The following TMEM121 variants were observed in gnomAD, a reference collection of about 807,000 sequenced individuals.
TMEM121 encodes the protein transmembrane protein 121.
A neutral mutation model predicts 16.4 loss-of-function variants in TMEM121; 8 were observed. The observed-to-expected ratio is 0.49, with a 90% CI of 0.29 to 0.88. The LOEUF (loss-of-function observed/expected upper bound fraction) is 0.88. TMEM121 is among the 40% of genes least tolerant of loss of function. The pLI, the probability that TMEM121 is intolerant of heterozygous loss-of-function variation, is 0.09. For synonymous variants in TMEM121, 235 were observed against 226.2 expected (o/e 1.04, Z -0.35); for missense variants, 401 against 462.0 (o/e 0.87, Z 1.21).
At position 105,529,729 on chromosome 14, in the gene TMEM121, C is replaced by A; in HGVS notation, c.895C>A (p.Pro299Thr). ...CAACTCGGTGCCGCCGCCGCCGCCG[C>A]CGCTGCACGGCCCGCCTGGGCGCCC... ...QRNSVPPPPP[P>T]LHGPPGRPHM... Residue 299 changes from proline (P) to threonine (T), a missense_variant, in exon 2 of 2, where the codon CCG becomes ACG. Coordinates refer to ENST00000392519, the MANE Select transcript of TMEM121 (RefSeq NM_025268.4). The A allele has an allele frequency of 6.6e-7, 1 of 1,522,544 alleles. No individual in the cohort carries two copies. Among genetic ancestry groups the A allele is most frequent in the Non-Finnish European group, 8.8e-7 (1 of 1,141,438 alleles). The allele number at this position is 1,522,544 out of a possible 1,614,324, so 94.3% of individuals were successfully genotyped here. A position where few individuals can be genotyped will look rare whatever the true frequency, so the allele number is the denominator to read the frequency against.
chr14:105,527,112 T>TGGCCG (rs1375131130), intron 1 of TMEM121: 1 of 151,724 alleles, frequency 6.6e-6, no homozygotes, highest in Non-Finnish European at 1.5e-5. Context: ...TACGGAGAGG[T>TGGCCG]GGCCGGGCCG....
At chr14:105,527,656 A>T (rs1415428846) in intron 1 of TMEM121, among the ~76,000 whole-genome samples, 1 of 151,808 alleles carries the variant, frequency 6.6e-6, no homozygotes, top group African/African-American at 2.4e-5. Flanking sequence ...CTGCGGTGTC[A>T]CCAGGGCAGT....
In TMEM121 at chr14:105,529,155, C is replaced by T. The variant is rs782520655; in HGVS notation, c.321C>T (p.Pro107=). 8.8e-6 allele frequency: 14 copies of T among 1,596,934 alleles called. No individual in the cohort carries two copies. The African/African-American group carries it at 1.2e-4, about 14-fold the overall frequency. The change falls in exon 2 of 2, where the codon CCC becomes CCT. Residue 107 remains proline (P), a synonymous_variant. Coordinates refer to ENST00000392519, the MANE Select transcript of TMEM121 (RefSeq NM_025268.4). The part of the protein sequence containing the change: ...YKAARRGAAD[P]VARKALTLLL... ...CGGCGCGGCGCGGCGCGGCGGACCC[C>T]GTGGCGCGCAAGGCGCTGACGCTGC...
Position 105,529,242 on chromosome 14 carries a change from C to A in TMEM121, c.408C>A (p.Tyr136Ter). ...TCGTGGCGCTGGACCGCATGGAGTA[C>A]GTGCGCACCTTCCGCAAGCGCGAGG... The part of the protein sequence containing the change: ...LLLVALDRME[Y>*]VRTFRKREDL... Residue 136 changes from tyrosine (Y) to a stop codon, truncating the protein, a stop_gained, in exon 2 of 2, where the codon TAC becomes TAA. Coordinates refer to ENST00000392519, the MANE Select transcript of TMEM121 (RefSeq NM_025268.4). LOFTEE classifies it high-confidence loss of function. 1 of 1,563,232 alleles carries A rather than the reference C, an allele frequency of 6.4e-7. No individual in the cohort carries two copies. Among genetic ancestry groups the A allele is most frequent in the Non-Finnish European group, 8.6e-7 (1 of 1,157,576 alleles).
chr14:105,529,467 G>T lies in TMEM121; in HGVS notation c.633G>T (p.Pro211=). Residue 211 remains proline (P), a synonymous_variant, in exon 2 of 2, where the codon CCG becomes CCT. Coordinates refer to ENST00000392519, the MANE Select transcript of TMEM121 (RefSeq NM_025268.4). ...EVSMQGEHIA[P]QKMMLYPVLS... ...GCATGCAGGGCGAGCACATAGCGCC[G>T]CAGAAGATGATGCTGTACCCGGTGC... 1 of 1,546,260 alleles carries T rather than the reference G, an allele frequency of 6.5e-7. No individual in the cohort carries two copies.
chr14:105,527,932 G>A (rs2084602273), intron 1 of TMEM121, among the ~76,000 whole-genome samples: 1 of 152,034 alleles, frequency 6.6e-6, no homozygotes, highest in Non-Finnish European at 1.5e-5. Context: ...GAAGCCCGAC[G>A]GGCCTTGGTG....
Position 105,529,346 on chromosome 14 carries a change from C to G in TMEM121, c.512C>G (p.Pro171Arg). Reference protein sequence around the residue: ...LDMQASLWEPPRSGLPLWAEG... With the variant: ...LDMQASLWEPRRSGLPLWAEG... The stretch of plus-strand genomic sequence containing the variant: ...ATGCAGGCCAGCCTGTGGGAGCCGC[C>G]GCGCTCCGGGCTGCCGCTGTGGGCC... Residue 171 changes from proline to arginine, a missense_variant, in exon 2 of 2, where the codon CCG becomes CGG. Pro to Arg is a moderately radical substitution (Grantham distance 103). Coordinates refer to ENST00000392519, the MANE Select transcript of TMEM121 (RefSeq NM_025268.4). 6.5e-7 allele frequency: 1 copy of G among 1,539,660 alleles called. No individual in the cohort carries two copies. Among genetic ancestry groups the G allele is most frequent in the Non-Finnish European group, 8.7e-7 (1 of 1,146,422 alleles).
chr14:105,529,689 G>A lies in TMEM121; in HGVS notation c.855G>A (p.Pro285=), dbSNP rs782343629. 5.5e-5 allele frequency: 85 copies of A among 1,548,224 alleles called. No homozygotes were observed. The highest frequency in any genetic ancestry group is 6.7e-5 in the Non-Finnish European group (77 of 1,155,292). Residue 285 remains proline (P), a synonymous_variant, in exon 2 of 2, where the codon CCG becomes CCA. Transcript: ENST00000392519. ...PPPALSLELQ[P]PPPQRNSVPP... is the part of the protein sequence containing the mutation. ...CTGCGCTATCACTGGAGCTGCAGCC[G>A]CCACCCCCGCAGCGCAACTCGGTGC... is the stretch of plus-strand genomic sequence containing the variant.
At position 105,529,467 on chromosome 14, in the gene TMEM121, G is replaced by A. The variant is rs782366224; in HGVS notation, c.633G>A (p.Pro211=). The A allele has an allele frequency of 2.5e-5, 38 of 1,546,142 alleles. No homozygotes were observed. The African/African-American group carries it at 4.2e-4, about 17-fold the overall frequency. The stretch of plus-strand genomic sequence containing the variant: ...GCATGCAGGGCGAGCACATAGCGCC[G>A]CAGAAGATGATGCTGTACCCGGTGC... The part of the protein sequence containing the change: ...EVSMQGEHIA[P]QKMMLYPVLS... The change falls in exon 2 of 2, where the codon CCG becomes CCA. Residue 211 remains proline (P), a synonymous_variant. Coordinates refer to ENST00000392519, the MANE Select transcript of TMEM121 (RefSeq NM_025268.4).
Position 105,529,045 on chromosome 14 carries a change from A to C in TMEM121, c.211A>C (p.Lys71Gln). 6.2e-7 allele frequency: 1 copy of C among 1,612,490 alleles called. No homozygotes were observed. The highest frequency in any genetic ancestry group is 1.1e-5 in the South Asian group (1 of 91,082). ...GGTGGGCGCCGAGGTGCGCACGGCC[A>C]AGCGCGGCTACGCCATGATCCTGTG... ...VWVGAEVRTA[K>Q]RGYAMILWFL... The change falls in exon 2 of 2, where the codon AAG becomes CAG. Residue 71 changes from lysine (K) to glutamine (Q), a missense_variant. Physicochemically the swap from Lys to Gln is moderately conservative, Grantham distance 53. Transcript: ENST00000392519.
At position 105,528,770 on chromosome 14, in the gene TMEM121, C is replaced by T. The variant is rs2084610668; in HGVS notation, c.-65C>T. On this transcript the variant is annotated 5_prime_UTR_variant, in exon 2 of 2. Coordinates refer to ENST00000392519, the MANE Select transcript of TMEM121 (RefSeq NM_025268.4). The stretch of plus-strand genomic sequence containing the variant: ...CGCGCCATGCCCGCTGGCTGAGCGC[C>T]GCAGGGCCTCGTCCCGCCAGGCGTG... 8.1e-7 allele frequency: 1 copy of T among 1,230,184 alleles called. No individual in the cohort carries two copies. The highest frequency in any genetic ancestry group is 1.0e-6 in the Non-Finnish European group (1 of 989,952). 76.2% of individuals were successfully genotyped at this position (1,230,184 alleles called of 1,614,324 possible).
At position 105,529,560 on chromosome 14, in the gene TMEM121, C is replaced by G; in HGVS notation, c.726C>G (p.Asp242Glu). The change falls in exon 2 of 2, where the codon GAC becomes GAG. Residue 242 changes from aspartate (D) to glutamate (E), a missense_variant. Transcript: ENST00000392519. ...ARAANMALFR[D>E]SRVSAIFVGK... Reference sequence around the variant, plus strand: ...CCGCCAACATGGCGCTGTTCCGGGACAGCCGTGTCTCGGCCATCTTCGTCG... The same window carrying G: ...CCGCCAACATGGCGCTGTTCCGGGAGAGCCGTGTCTCGGCCATCTTCGTCG... The G allele has an allele frequency of 3.2e-6, 5 of 1,550,254 alleles. No individual in the cohort carries two copies. The highest frequency in any genetic ancestry group is 4.3e-6 in the Non-Finnish European group (5 of 1,153,040).
chr14:105,529,640 G>A lies in TMEM121; in HGVS notation c.806G>A (p.Arg269His). The A allele has an allele frequency of 6.3e-7, 1 of 1,579,280 alleles. No homozygotes were observed. Among genetic ancestry groups the A allele is most frequent in the Non-Finnish European group, 8.5e-7 (1 of 1,171,440 alleles). Reference protein sequence around the residue: ...TKACTFLEYRRQVRDFPPPAL... With the variant: ...TKACTFLEYRHQVRDFPPPAL... Reference sequence around the variant, plus strand: ...GCCTGCACCTTCCTGGAGTACCGCCGCCAGGTGCGCGACTTCCCGCCGCCT... The same window carrying A: ...GCCTGCACCTTCCTGGAGTACCGCCACCAGGTGCGCGACTTCCCGCCGCCT... The change falls in exon 2 of 2, where the codon CGC becomes CAC. Residue 269 changes from arginine (R) to histidine (H), a missense_variant. Transcript: ENST00000392519.
At position 105,529,674 on chromosome 14, in the gene TMEM121, A is replaced by C. The variant is rs1483901291; in HGVS notation, c.840A>C (p.Ser280=). ...GCGACTTCCCGCCGCCTGCGCTATC[A>C]CTGGAGCTGCAGCCGCCACCCCCGC... The part of the protein sequence containing the change: ...QVRDFPPPAL[S]LELQPPPPQR... The change falls in exon 2 of 2, where the codon TCA becomes TCC. Residue 280 remains serine, a synonymous_variant. Transcript: ENST00000392519. 15 of 1,562,854 alleles carry C rather than the reference A, an allele frequency of 9.6e-6. No homozygotes were observed. The African/African-American group carries it at 1.9e-4, about 20-fold the overall frequency.
rs1157913656 is a variant in TMEM121 at position 105,529,341 on chromosome 14, G to A, written c.507G>A (p.Glu169=). The A allele has an allele frequency of 4.5e-6, 7 of 1,539,308 alleles. No homozygotes were observed. The highest frequency in any genetic ancestry group is 2.0e-5 in the Admixed American group (1 of 50,966). Residue 169 remains glutamate, a synonymous_variant, in exon 2 of 2, where the codon GAG becomes GAA. Transcript: ENST00000392519. Reference sequence around the variant, plus strand: ...TGGACATGCAGGCCAGCCTGTGGGAGCCGCCGCGCTCCGGGCTGCCGCTGT... The same window carrying A: ...TGGACATGCAGGCCAGCCTGTGGGAACCGCCGCGCTCCGGGCTGCCGCTGT... ...DLLDMQASLW[E]PPRSGLPLWA... is the part of the protein sequence containing the mutation.
Position 105,528,990 on chromosome 14 carries a change from C to G in TMEM121, c.156C>G (p.Phe52Leu). 1 of 1,612,102 alleles carries G rather than the reference C, an allele frequency of 6.2e-7. No individual in the cohort carries two copies. The highest frequency in any genetic ancestry group is 2.2e-5 in the East Asian group (1 of 44,832). ...TCGTGCTGGTGGGCGACGTGTGCTT[C>G]CTGCTGGTGCTGCGCTACGTGGCCG... ...CIIVLVGDVCFLLVLRYVAVW... is the reference protein window; with the variant it reads ...CIIVLVGDVCLLLVLRYVAVW... Residue 52 changes from phenylalanine (F) to leucine (L), a missense_variant, in exon 2 of 2, where the codon TTC becomes TTG. By Grantham distance (22) the Phe-to-Leu change is conservative. Coordinates refer to ENST00000392519, the MANE Select transcript of TMEM121 (RefSeq NM_025268.4).
At position 105,529,522 on chromosome 14, in the gene TMEM121, G is replaced by A. The variant is rs2084623165; in HGVS notation, c.688G>A (p.Val230Met). The change falls in exon 2 of 2, where the codon GTG becomes ATG. Residue 230 changes from valine to methionine, a missense_variant. Coordinates refer to ENST00000392519, the MANE Select transcript of TMEM121 (RefSeq NM_025268.4). ...CCTCGCCACCGTCAATGTGGTGGCC[G>A]TGCTGGCGCGCGCCGCCAACATGGC... ...LSLATVNVVA[V>M]LARAANMALF... The A allele has an allele frequency of 1.9e-6, 3 of 1,540,890 alleles. No individual in the cohort carries two copies. The highest frequency in any genetic ancestry group is 2.7e-5 in the African/African-American group (2 of 73,152).
intron 1 of TMEM121, among the ~76,000 whole-genome samples, chr14:105,528,439 G>A (rs1438154807): frequency 6.6e-6 from 1 of 152,144 alleles, no homozygotes; most frequent in East Asian, 1.9e-4. Flanking sequence ...AACCCCCCCG[G>A]GCTCCGGGAA....
chr14:105,527,612 T>C (rs2084599510), intron 1 of TMEM121, among the ~76,000 whole-genome samples: 1 of 149,814 alleles, frequency 6.7e-6, no homozygotes, highest in African/African-American at 2.5e-5. Context: ...GGGGTGGGAG[T>C]GCAGAGTTCA....
Sources: allele counts gnomAD v4.1 joint callset (sites outside exome capture counted in the v4.1 genomes callset), GRCh38; gene constraint gnomAD v4.1.1; transcripts MANE v1.5; gene names NCBI Gene and HGNC (gene_info 2026-07-23, HGNC 2026-07-21).